The following KIAA1549L variants were observed in gnomAD, a reference collection of about 807,000 sequenced individuals.
KIAA1549L encodes UPF0606 protein KIAA1549L.
In KIAA1549L, 88 loss-of-function variants were observed where a neutral mutation model predicts 160.7. That is an observed-to-expected ratio of 0.55 (90% CI 0.46 to 0.65). The LOEUF is 0.65. Among genes scored for constraint, KIAA1549L ranks in the 30% least tolerant of loss-of-function variants. The probability of loss-of-function intolerance (pLI) is 0.00; values close to 1 mark genes in which losing one functional copy is unlikely to be tolerated. For synonymous variants in KIAA1549L, 950 were observed against 976.7 expected, an observed-to-expected ratio of 0.97 and a Z score of 0.51; for missense variants, 2,258 against 2,437.5, an observed-to-expected ratio of 0.93 and a Z score of 1.55.
chr11:33,479,492 C>G (rs2133044448), intron 1 of KIAA1549L, among the ~76,000 whole-genome samples: 1 of 152,284 alleles, frequency 6.6e-6, no homozygotes, highest in South Asian at 2.1e-4. Context: ...CTGGGCTGCA[C>G]AGATGACAAG....
intron 17 of KIAA1549L, among the ~76,000 whole-genome samples, chr11:33,651,673 A>T (rs1182129410): frequency 6.6e-6 from 1 of 152,046 alleles, no homozygotes; most frequent in African/African-American, 2.4e-5. Context: ...TATCTTCACC[A>T]GATCCCTCCT....
Position 33,448,091 on chromosome 11 carries a change from T to C in KIAA1549L, c.238+71202T>C, listed in dbSNP as rs557467339. ...TTTTAATTATTATTTTTAAAAAATT[T>C]TAAGTTTTACTTTAAATTCCGGGAT... On this transcript the variant is annotated intron_variant, in intron 1 of 20. Coordinates refer to ENST00000658780, the MANE Select transcript of KIAA1549L (RefSeq NM_012194.3). 5.9e-5 allele frequency among the ~76,000 whole-genome samples: 9 copies of C among 152,334 alleles called. 1 individual carries two copies. Among genetic ancestry groups the C allele is most frequent in the African/African-American group, 2.2e-4 (9 of 41,570 alleles).
At chr11:33,404,298 G>A (rs1460054630) in intron 1 of KIAA1549L, among the ~76,000 whole-genome samples, 1 of 152,182 alleles carries the variant, frequency 6.6e-6, no homozygotes, top group African/African-American at 2.4e-5. Context: ...GCCGAGGTGG[G>A]TGGATCACTT....
At chr11:33,463,471 A>G (rs1851983433) in intron 1 of KIAA1549L, among the ~76,000 whole-genome samples, 1 of 152,244 alleles carries the variant, frequency 6.6e-6, no homozygotes. Context: ...ATAAAAATTA[A>G]TAATAAATAC....
intron 1 of KIAA1549L, among the ~76,000 whole-genome samples, chr11:33,458,456 TA>T (rs1457899755): frequency 2.0e-5 from 3 of 152,132 alleles, no homozygotes; most frequent in Admixed American, 6.5e-5. Context: ...CTAGATTAAA[TA>T]GAAAAGAATC....
At chr11:33,660,320 G>A (rs191689781) in intron 19 of KIAA1549L, among the ~76,000 whole-genome samples, 110 of 152,284 alleles carry the variant, frequency 7.2e-4, no homozygotes, top group African/African-American at 2.6e-3. Context: ...GCTCATGTCT[G>A]TAATCCCAAC....
At chr11:33,414,994 G>T (rs926598716) in intron 1 of KIAA1549L, among the ~76,000 whole-genome samples, 5 of 151,862 alleles carry the variant, frequency 3.3e-5, no homozygotes, top group African/African-American at 1.2e-4. Context: ...TGTCATTTGC[G>T]TTTTAATTTT....
chr11:33,523,985 G>C (rs1853556226), intron 1 of KIAA1549L, among the ~76,000 whole-genome samples: 1 of 151,846 alleles, frequency 6.6e-6, no homozygotes, highest in African/African-American at 2.4e-5. Flanking sequence ...TACTAACTCA[G>C]TACTGGTTTC....
At chr11:33,630,898 T>G (rs1851267944) in intron 16 of KIAA1549L, among the ~76,000 whole-genome samples, 1 of 152,354 alleles carries the variant, frequency 6.6e-6, no homozygotes, top group African/African-American at 2.4e-5. Flanking sequence ...TGTATGAGAT[T>G]CCACTGTATC....
chr11:33,443,966 A>T (rs933193105), intron 1 of KIAA1549L, among the ~76,000 whole-genome samples: 2 of 152,218 alleles, frequency 1.3e-5, no homozygotes, highest in Non-Finnish European at 2.9e-5. Context: ...TATCTCTGCC[A>T]TGATAACCAC....
chr11:33,605,017 T>C (rs1218727663), intron 13 of KIAA1549L, among the ~76,000 whole-genome samples: 1 of 152,202 alleles, frequency 6.6e-6, no homozygotes, highest in African/African-American at 2.4e-5. Flanking sequence ...TGGTCACTCA[T>C]GGCTCTTGAC....
intron 9 of KIAA1549L, among the ~76,000 whole-genome samples, chr11:33,572,297 A>G (rs1855290210): frequency 6.6e-6 from 1 of 152,208 alleles, no homozygotes; most frequent in African/African-American, 2.4e-5. Context: ...TTGGCCTCTG[A>G]AAGTGCTGGG....
At chr11:33,488,818 T>A (rs541477652) in intron 1 of KIAA1549L, among the ~76,000 whole-genome samples, 1 of 152,350 alleles carries the variant, frequency 6.6e-6, no homozygotes, top group African/African-American at 2.4e-5. Flanking sequence ...TTTATTCTTA[T>A]TTCTATTTTC....
chr11:33,645,984 A>AGTGGGTGCC lies in KIAA1549L; in HGVS notation c.5710_5718dup (p.Trp1904_Pro1906dup). ...ATGACGCGGCCCAGGGCCGGGGTGC[A>AGTGGGTGCC]GTGGGTGCCGACCTACCGCCCAGAA... On this transcript the variant is annotated inframe_insertion, in exon 17 of 21. Transcript: ENST00000658780. 1 of 1,609,662 alleles carries AGTGGGTGCC rather than the reference A, an allele frequency of 6.2e-7. No homozygotes were observed. Among genetic ancestry groups the AGTGGGTGCC allele is most frequent in the Non-Finnish European group, 8.5e-7 (1 of 1,178,062 alleles).
In KIAA1549L at chr11:33,542,421, C is replaced by A; in HGVS notation, c.858C>A (p.Asn286Lys). 6.4e-7 allele frequency: 1 copy of A among 1,564,170 alleles called. No homozygotes were observed. The highest frequency in any genetic ancestry group is 8.7e-7 in the Non-Finnish European group (1 of 1,147,846). The change falls in exon 2 of 21, where the codon AAC (asparagine) becomes AAA (lysine). Residue 286 changes from asparagine (N) to lysine (K), a missense_variant. By Grantham distance (94) the Asn-to-Lys change is moderately conservative. Around this residue, in one of 6 missense-constraint regions of KIAA1549L, gnomAD observed 540 missense variants for 465.7 expected, o/e 1.16. Coordinates refer to ENST00000658780, the MANE Select transcript of KIAA1549L (RefSeq NM_012194.3). The stretch of plus-strand genomic sequence containing the variant: ...CAGCCGACCCCTCTTTAGGTCAGAA[C>A]ATAGCTAATCCCTTAATCCCATTTT... ...TAPADPSLGQ[N>K]IANPLIPFSD...
chr11:33,518,634 T>C (rs1453035157), intron 1 of KIAA1549L, among the ~76,000 whole-genome samples: 1 of 152,238 alleles, frequency 6.6e-6, no homozygotes, highest in Non-Finnish European at 1.5e-5. Flanking sequence ...ATTCATAGAA[T>C]AAAGTTACTA....
At chr11:33,666,891 C>T (rs1290090547) in intron 20 of KIAA1549L, among the ~76,000 whole-genome samples, 2 of 152,198 alleles carry the variant, frequency 1.3e-5, no homozygotes, top group African/African-American at 4.8e-5. Flanking sequence ...CTAATACCGA[C>T]CTCCTAGCTT....
chr11:33,625,085 A>G (rs1851064176), intron 16 of KIAA1549L, among the ~76,000 whole-genome samples: 2 of 151,914 alleles, frequency 1.3e-5, no homozygotes, highest in Admixed American at 1.3e-4. Context: ...AAAGGACATG[A>G]ACTCATCATT....
chr11:33,583,602 A>G, intron 11 of KIAA1549L, 101 bp downstream of exon 11: 2 of 1,090,282 alleles, frequency 1.8e-6, no homozygotes, highest in Non-Finnish European at 2.6e-6. Flanking sequence ...AGCCTGCAGA[A>G]ACATCAGGGC....
Sources: gnomAD v4.1 joint callset for allele counts (sites outside exome capture counted in the v4.1 genomes callset) on GRCh38, gnomAD v4.1.1 for gene constraint, gnomAD v4.1.1 regional missense constraint, MANE v1.5 for transcripts, NCBI Gene and HGNC (gene_info 2026-07-23, HGNC 2026-07-21) for gene names.